TXNL1: variants seen among roughly 807,000 people sequenced by gnomAD.
The protein encoded by TXNL1 is thioredoxin-like protein 1.
In TXNL1, 14 loss-of-function variants were observed where a neutral mutation model predicts 35.5. The observed-to-expected ratio is 0.39, with a 90% confidence interval of 0.26 to 0.62. The LOEUF (loss-of-function observed/expected upper bound fraction) is 0.62, where lower values mean the gene tolerates loss of function less well. TXNL1 is among the 20% of genes least tolerant of loss of function. TXNL1 has a pLI of 0.47. For missense variants in TXNL1, 263 were observed against 349.7 expected (o/e 0.75, Z 1.98); for synonymous variants, 110 against 115.5 (o/e 0.95, Z 0.31).
chr18:56,638,011 G>A (rs1408685833), intron 1 of TXNL1, among the ~76,000 whole-genome samples: 1 of 152,234 alleles, frequency 6.6e-6, no homozygotes, highest in Non-Finnish European at 1.5e-5. Flanking sequence ...TCAGGCTCAG[G>A]CAAGGGTGGC....
rs1030040512 is a variant in TXNL1, at chr18:56,597,493, A to G, written c.*5534T>C. 3 of 152,216 alleles carry G rather than the reference A, an allele frequency of 2.0e-5. No individual in the cohort carries two copies. The highest frequency in any genetic ancestry group is 7.2e-5 in the African/African-American group (3 of 41,470). The allele number at this position is 152,216 out of a possible 1,614,324, so 9.4% of individuals were successfully genotyped here. A position where few individuals can be genotyped will look rare whatever the true frequency, so the allele number is the denominator to read the frequency against. On this transcript the variant is annotated 3_prime_UTR_variant, in exon 8 of 8. Transcript: ENST00000217515. ...CAACTGGACATCCCAGCTAATTTCA[A>G]TATCACATTTGAAGATGGTGACTGC...
Position 56,602,032 on chromosome 18 carries a change from CG to C in TXNL1, c.*994del, listed in dbSNP as rs991199348. The stretch of plus-strand genomic sequence containing the variant: ...AATAATTCCCTTTTTTTTTTGGAGA[CG>C]GAGTTTTGCTCTTGTCGCTCAGGCT... On this transcript the variant is annotated 3_prime_UTR_variant, in exon 8 of 8. Coordinates refer to ENST00000217515, the MANE Select transcript of TXNL1 (RefSeq NM_004786.3). 50 of 151,160 alleles carry C rather than the reference CG, an allele frequency of 3.3e-4. No individual in the cohort carries two copies. The highest frequency in any genetic ancestry group is 1.2e-3 in the African/African-American group (49 of 41,224). 9.4% of individuals were successfully genotyped at this position (151,160 alleles called of 1,614,324 possible).
intron 1 of TXNL1, among the ~76,000 whole-genome samples, chr18:56,630,556 T>C (rs1406877430): frequency 1.3e-5 from 2 of 152,244 alleles, no homozygotes; most frequent in Admixed American, 1.3e-4. Context: ...TTATTTCTAT[T>C]TTTCACTACC....
chr18:56,630,221 C>T (rs1364988575), intron 1 of TXNL1, among the ~76,000 whole-genome samples: 3 of 149,960 alleles, frequency 2.0e-5, no homozygotes, highest in Non-Finnish European at 3.0e-5. Flanking sequence ...AAAAAAAAGA[C>T]AGTAACTAGG....
intron 1 of TXNL1, among the ~76,000 whole-genome samples, chr18:56,634,826 T>C (rs1337969974): frequency 2.0e-5 from 3 of 152,100 alleles, no homozygotes; most frequent in Non-Finnish European, 4.4e-5. Flanking sequence ...CATCAAAATT[T>C]AAAACTCATG....
At chr18:56,608,564 T>C (rs1183743562) in intron 7 of TXNL1, 1 of 152,230 alleles carries the variant, frequency 6.6e-6, no homozygotes, top group African/African-American at 2.4e-5. Context: ...CAAGACCCTC[T>C]CAAGGAGTCT....
chr18:56,621,454 A>C (rs1356150367), intron 3 of TXNL1, among the ~76,000 whole-genome samples: 1 of 152,018 alleles, frequency 6.6e-6, no homozygotes, highest in Non-Finnish European at 1.5e-5. Context: ...TCAGCCTCCC[A>C]AAGTGCTGGG....
chr18:56,632,716 G>C (rs1211347932), intron 1 of TXNL1, among the ~76,000 whole-genome samples: 7 of 152,326 alleles, frequency 4.6e-5, no homozygotes, highest in East Asian at 1.9e-4. Flanking sequence ...GAATTCAAGA[G>C]TAGTGGGAAG....
rs762979190 is a variant in TXNL1 at position 56,624,276 on chromosome 18, C to T, written c.369+12G>A. On this transcript the variant is annotated intron_variant, in intron 3 of 7. Coordinates refer to ENST00000217515, the MANE Select transcript of TXNL1 (RefSeq NM_004786.3). ...TATTATACATTATGATTTCACTTTT[C>T]AGTCTACATACATAGCCTTTTGGAA... The T allele has an allele frequency of 6.3e-7, 1 of 1,599,884 alleles. No homozygotes were observed. Among genetic ancestry groups the T allele is most frequent in the Non-Finnish European group, 8.5e-7 (1 of 1,172,018 alleles).
intron 1 of TXNL1, among the ~76,000 whole-genome samples, chr18:56,632,527 A>G (rs1463357431): frequency 6.6e-6 from 1 of 152,210 alleles, no homozygotes; most frequent in East Asian, 1.9e-4. Flanking sequence ...CCAACTCTTA[A>G]CAGCTATGCT....
Position 56,600,474 on chromosome 18 carries a change from G to C in TXNL1, c.*2553C>G, listed in dbSNP as rs1433512420. 6.6e-6 allele frequency: 1 copy of C among 150,826 alleles called. No homozygotes were observed. Among genetic ancestry groups the C allele is most frequent in the Non-Finnish European group, 1.5e-5 (1 of 67,798 alleles). 9.3% of individuals were successfully genotyped at this position (150,826 alleles called of 1,614,324 possible). A position where few individuals can be genotyped will look rare whatever the true frequency, so the allele number is the denominator to read the frequency against. ...GAGACTGGGGAACAATGTGGGGCAG[G>C]TTTCAACTCTAATTGTTACGTGGCT... On this transcript the variant is annotated 3_prime_UTR_variant, in exon 8 of 8. Transcript: ENST00000217515.
chr18:56,631,412 C>A (rs746544574), intron 1 of TXNL1, among the ~76,000 whole-genome samples: 1 of 152,002 alleles, frequency 6.6e-6, no homozygotes, highest in African/African-American at 2.4e-5. Context: ...GCACAATCTA[C>A]GATTTCTTAT....
At chr18:56,616,194 A>G (rs1176334373) in intron 5 of TXNL1, 51 bp downstream of exon 5, 1 of 1,505,878 alleles carries the variant, frequency 6.6e-7, no homozygotes, top group South Asian at 1.2e-5. Flanking sequence ...TTTTATGCTA[A>G]CAGTTCTACA....
rs2023772166 is a variant in TXNL1 at position 56,598,597 on chromosome 18, G to T, written c.*4430C>A. ...TTACAAAGACCCCATAAAGAAAAGA[G>T]AACCAGCGGCCATGTGGGGGATACA... is the stretch of plus-strand genomic sequence containing the variant. On this transcript the variant is annotated 3_prime_UTR_variant, in exon 8 of 8. Transcript: ENST00000217515. 6.6e-6 allele frequency: 1 copy of T among 152,556 alleles called. No individual in the cohort carries two copies. The highest frequency in any genetic ancestry group is 2.4e-5 in the African/African-American group (1 of 41,428). The allele number at this position is 152,556 out of a possible 1,614,324, so 9.5% of individuals were successfully genotyped here. A position where few individuals can be genotyped will look rare whatever the true frequency, so the allele number is the denominator to read the frequency against.
intron 7 of TXNL1, chr18:56,610,147 A>C (rs964049741): frequency 6.6e-6 from 1 of 152,218 alleles, no homozygotes; most frequent in Non-Finnish European, 1.5e-5. Flanking sequence ...ACTCTTCCTC[A>C]AGTTCTAGAC....
chr18:56,629,298 T>C (rs1465102477), intron 1 of TXNL1, among the ~76,000 whole-genome samples: 1 of 152,108 alleles, frequency 6.6e-6, no homozygotes, highest in African/African-American at 2.4e-5. Context: ...GAGGCCAAGA[T>C]GGGCGGATCA....
At chr18:56,606,302 G>A (rs373866813) in intron 7 of TXNL1, among the ~76,000 whole-genome samples, 1 of 151,110 alleles carries the variant, frequency 6.6e-6, no homozygotes, top group Non-Finnish European at 1.5e-5. Flanking sequence ...TGGTAAACTC[G>A]GGAGGCAGAG....
intron 2 of TXNL1, among the ~76,000 whole-genome samples, chr18:56,625,347 A>C (rs2024258633): frequency 6.6e-6 from 1 of 152,176 alleles, no homozygotes; most frequent in Non-Finnish European, 1.5e-5. Flanking sequence ...ATCAAGTTTA[A>C]TATTACAGGA....
At chr18:56,638,210 G>T in intron 1 of TXNL1, 133 bp downstream of exon 1, 1 of 888,624 alleles carries the variant, frequency 1.1e-6, no homozygotes, top group South Asian at 1.9e-5. Flanking sequence ...GCCTAATTCC[G>T]GCAGCTCCTG....
Sources: allele counts gnomAD v4.1 joint callset (sites outside exome capture counted in the v4.1 genomes callset), GRCh38; gene constraint gnomAD v4.1.1; transcripts MANE v1.5; gene names NCBI Gene and HGNC (gene_info 2026-07-23, HGNC 2026-07-21).